Variants in CPAMD8 observed in about 807,000 individuals in gnomAD.
CPAMD8 encodes C3 and PZP-like alpha-2-macroglobulin domain-containing protein 8.
In CPAMD8, 146 loss-of-function variants were observed where a neutral mutation model predicts 224.7. That is an observed-to-expected ratio of 0.65 (90% confidence interval 0.57 to 0.75). The LOEUF (loss-of-function observed/expected upper bound fraction) is 0.75. Ranked by LOEUF, CPAMD8 falls within the 30% of genes least tolerant of loss-of-function variation. The pLI, the probability that CPAMD8 is intolerant of heterozygous loss-of-function variation, is 0.00. For synonymous variants in CPAMD8, 966 were observed against 1,044.6 expected (o/e 0.92, Z 1.45); for missense variants, 2,301 against 2,537.5 (o/e 0.91, Z 2.00).
In CPAMD8 at chr19:16,989,762, T is replaced by C; in HGVS notation, c.1276A>G (p.Met426Val). 1 of 1,613,952 alleles carries C rather than the reference T, an allele frequency of 6.2e-7. No individual in the cohort carries two copies. The highest frequency in any genetic ancestry group is 8.5e-7 in the Non-Finnish European group (1 of 1,179,890). Residue 426 changes from methionine (M) to valine (V), a missense_variant, in exon 13 of 42, where the codon ATG becomes GTG. Met to Val is a conservative substitution (Grantham distance 21, BLOSUM62 1). Transcript: ENST00000443236. The part of the protein sequence containing the change: ...AQHVWLETKV[M>V]ALNGKPVGAQ... ...CCCACAGGCTTCCCGTTCAGTGCCATCACCTTGGTCTGAGAAGAGAAGATG... is the reference window on the plus strand; with the variant it reads ...CCCACAGGCTTCCCGTTCAGTGCCACCACCTTGGTCTGAGAAGAGAAGATG...
At position 16,969,943 on chromosome 19, in the gene CPAMD8, C is replaced by T. The variant is rs115377394; in HGVS notation, c.2213+948G>A. On this transcript the variant is annotated intron_variant, in intron 18 of 41. Coordinates refer to ENST00000443236, the MANE Select transcript of CPAMD8 (RefSeq NM_015692.5). ...AGTTGTTAATATTATACTTTAAAAACACCTATTATTGCCAGGCGCAGTGGC... is the reference window on the plus strand; with the variant it reads ...AGTTGTTAATATTATACTTTAAAAATACCTATTATTGCCAGGCGCAGTGGC... Among the ~76,000 whole-genome samples, 1,054 of 146,672 alleles carry T rather than the reference C, an allele frequency of 7.2e-3. 14 individuals are homozygous for T. The highest frequency in any genetic ancestry group is 0.024 in the African/African-American group (941 of 39,262).
chr19:16,993,771 C>T (rs2056037407), intron 11 of CPAMD8, among the ~76,000 whole-genome samples, 185 bp from the exon 12 acceptor site: 2 of 152,052 alleles, frequency 1.3e-5, no homozygotes, highest in South Asian at 4.1e-4. Context: ...TTAAAGGGAA[C>T]AAAAAAGAAG....
Position 16,914,580 on chromosome 19 carries a change from G to T in CPAMD8, c.3786+77C>A. The T allele has an allele frequency of 7.4e-6, 12 of 1,611,192 alleles. No individual in the cohort carries two copies. The South Asian group carries it at 1.3e-4, about 18-fold the overall frequency. On this transcript the variant is annotated intron_variant, in intron 28 of 41. Coordinates refer to ENST00000443236, the MANE Select transcript of CPAMD8 (RefSeq NM_015692.5). The stretch of plus-strand genomic sequence containing the variant: ...CACTTCCCCCAGGCAGCTCCAGGGA[G>T]TAGGAACAGGCAGGTCAGGGCTGGG...
rs376654849 is a variant in CPAMD8, at chr19:16,921,985, G to T, written c.3549C>A (p.Gly1183=). The T allele has an allele frequency of 5.3e-5, 82 of 1,546,878 alleles. No individual in the cohort carries two copies. The highest frequency in any genetic ancestry group is 7.1e-5 in the Non-Finnish European group (81 of 1,146,032). The change falls in exon 27 of 42, where the codon GGC becomes GGA. Residue 1183 remains glycine, a splice_region_variant and synonymous_variant. Transcript: ENST00000443236. ...ERETTDYLVQ[G]YQRQLTYKRQ... ...GCTTGTAGGTCAGCTGGCGCTGGTAGCCTGTGGGGCAAGCAGAGAGGACCC... is the reference window on the plus strand; with the variant it reads ...GCTTGTAGGTCAGCTGGCGCTGGTATCCTGTGGGGCAAGCAGAGAGGACCC...
At chr19:16,981,243 C>A (rs1282265009) in intron 13 of CPAMD8, among the ~76,000 whole-genome samples, 1 of 152,084 alleles carries the variant, frequency 6.6e-6, no homozygotes, top group South Asian at 2.1e-4. Flanking sequence ...TGCCTGTAGT[C>A]CCCGCTACTC....
Position 16,902,696 on chromosome 19 carries a change from G to A in CPAMD8, c.4638C>T (p.Ala1546=), listed in dbSNP as rs374847433. ...CCTTGTATTCCTGGTGATGCTGATC[G>A]GCCGCTGGGTCATCATCGTCAGCTG... ...WPPADDDDPA[A]DQHHQEYKVM... The change falls in exon 35 of 42, where the codon GCC becomes GCT. Residue 1546 remains alanine, a synonymous_variant. Coordinates refer to ENST00000443236, the MANE Select transcript of CPAMD8 (RefSeq NM_015692.5). 3.1e-5 allele frequency: 50 copies of A among 1,608,604 alleles called. No individual in the cohort carries two copies. Among genetic ancestry groups the A allele is most frequent in the African/African-American group, 2.7e-4 (20 of 74,890 alleles).
chr19:16,975,645 C>A (rs1317449193), intron 16 of CPAMD8, among the ~76,000 whole-genome samples: 1 of 152,078 alleles, frequency 6.6e-6, no homozygotes, highest in Non-Finnish European at 1.5e-5. Context: ...GAGGTGTTCG[C>A]TACAGTGAGC....
intron 7 of CPAMD8, 130 bp from the exon 8 acceptor site, chr19:17,004,516 G>A: frequency 1.6e-6 from 1 of 621,212 alleles, no homozygotes; most frequent in South Asian, 1.9e-5. Context: ...AGACCACAGA[G>A]AAGCTGGCGG....
Position 16,902,702 on chromosome 19 carries a change from T to C in CPAMD8, c.4632A>G (p.Pro1544=). 1 of 1,607,086 alleles carries C rather than the reference T, an allele frequency of 6.2e-7. No homozygotes were observed. The highest frequency in any genetic ancestry group is 8.5e-7 in the Non-Finnish European group (1 of 1,175,996). ...GDWPPADDDD[P]AADQHHQEYK... ...ATTCCTGGTGATGCTGATCGGCCGC[T>C]GGGTCATCATCGTCAGCTGGGGGCC... Residue 1544 remains proline (P), a synonymous_variant, in exon 35 of 42, where the codon CCA becomes CCG. Coordinates refer to ENST00000443236, the MANE Select transcript of CPAMD8 (RefSeq NM_015692.5).
In CPAMD8 at chr19:16,914,763, A is replaced by G. The variant is rs1004280629; in HGVS notation, c.3680T>C (p.Phe1227Ser). The G allele has an allele frequency of 5.6e-6, 9 of 1,613,938 alleles. No homozygotes were observed. The African/African-American group carries it at 6.7e-5, about 12-fold the overall frequency. ...KSFAQARSFI[F>S]VDPRELAAAK... ...GGCAGCCAGCTCCCGGGGGTCCACG[A>G]AGATAAAGCTGCGAGCCTGTGCGAA... The change falls in exon 28 of 42, where the codon TTC becomes TCC. Residue 1227 changes from phenylalanine to serine, a missense_variant. By Grantham distance (155) the Phe-to-Ser change is radical. This residue lies in a region of CPAMD8 where 1,709 missense variants were observed against 1,753.2 expected (regional missense o/e 0.97). Transcript: ENST00000443236.
chr19:17,009,380 C>T, intron 5 of CPAMD8, 60 bp from the exon 6 acceptor site: 1 of 1,613,166 alleles, frequency 6.2e-7, no homozygotes, highest in South Asian at 1.1e-5. Flanking sequence ...ACCCTTTCAA[C>T]ATGCTCATGC....
intron 41 of CPAMD8, 43 bp downstream of exon 41, chr19:16,896,133 T>G: frequency 6.2e-7 from 1 of 1,607,712 alleles, no homozygotes. Context: ...TGGGGAGATA[T>G]TGAGCCTATG....
intron 7 of CPAMD8, among the ~76,000 whole-genome samples, chr19:17,004,634 C>T (rs546884009): frequency 2.0e-5 from 3 of 152,224 alleles, no homozygotes; most frequent in African/African-American, 7.2e-5. Flanking sequence ...GTTCCCGGGA[C>T]AGCCTTGCAG....
At chr19:16,945,523 C>A in intron 22 of CPAMD8, 26 bp downstream of exon 22, 1 of 1,609,400 alleles carries the variant, frequency 6.2e-7, no homozygotes, top group Non-Finnish European at 8.5e-7. Context: ...CCTGGCTAAG[C>A]ACCAGAGATG....
chr19:16,924,958 TA>T (rs1473848502), intron 26 of CPAMD8, among the ~76,000 whole-genome samples: 2 of 152,204 alleles, frequency 1.3e-5, no homozygotes, highest in Non-Finnish European at 2.9e-5. Context: ...ATCCACACTT[TA>T]AAAAGATGCT....
intron 1 of CPAMD8, 67 bp from the exon 2 acceptor site, chr19:17,022,248 AG>A (rs2056979710): frequency 6.5e-7 from 1 of 1,545,162 alleles, no homozygotes; most frequent in Non-Finnish European, 8.8e-7. Context: ...CACCACAGCT[AG>A]GTCAGGGCTC....
chr19:17,012,074 T>TA (rs2123150513), intron 3 of CPAMD8, among the ~76,000 whole-genome samples: 1 of 143,652 alleles, frequency 7.0e-6, no homozygotes, highest in Non-Finnish European at 1.5e-5. Flanking sequence ...GGCTGGAGTG[T>TA]AGTGGCACTA....
intron 3 of CPAMD8, among the ~76,000 whole-genome samples, chr19:17,014,155 G>A (rs945242937): frequency 2.0e-5 from 3 of 152,112 alleles, no homozygotes; most frequent in African/African-American, 4.8e-5. Flanking sequence ...GGGCTCATGC[G>A]ATCCTCCTGC....
intron 30 of CPAMD8, 144 bp from the exon 31 acceptor site, chr19:16,904,696 C>T (rs376364479): frequency 3.8e-5 from 25 of 666,010 alleles, no homozygotes; most frequent in Middle Eastern, 7.8e-4. Context: ...ACAGCTGGAA[C>T]AGGAAGGGCC....
Sources: allele counts gnomAD v4.1 joint callset (sites outside exome capture counted in the v4.1 genomes callset), GRCh38; gene constraint gnomAD v4.1.1; regional missense constraint gnomAD v4.1.1; transcripts MANE v1.5; gene names NCBI Gene and HGNC (gene_info 2026-07-23, HGNC 2026-07-21).